The following ZMPSTE24 variants were observed in gnomAD, a reference collection of about 807,000 sequenced individuals.
The protein encoded by ZMPSTE24 is zinc metallopeptidase STE24, also known as CAAX prenyl protease 1 homolog.
In ZMPSTE24, 48 loss-of-function variants were observed where a neutral mutation model predicts 56.7. The observed-to-expected ratio is 0.85, with a 90% CI of 0.67 to 1.08. The LOEUF (loss-of-function observed/expected upper bound fraction) is 1.08, where lower values mean the gene tolerates loss of function less well. Among genes scored for constraint, ZMPSTE24 ranks in the 50% least tolerant of loss-of-function variants. ZMPSTE24 has a pLI of 0.00. For synonymous variants in ZMPSTE24, 172 were observed against 195.2 expected (o/e 0.88, Z 0.99); for missense variants, 503 against 548.7 (o/e 0.92, Z 0.83).
chr1:40,275,161 T>A (rs533131959), intron 6 of ZMPSTE24, among the ~76,000 whole-genome samples: 170 of 151,404 alleles, frequency 1.1e-3, no homozygotes, highest in Non-Finnish European at 1.9e-3. Context: ...GGCTTATGCT[T>A]GTAATCTCAG....
chr1:40,288,250 A>G (rs1643806410), intron 8 of ZMPSTE24, among the ~76,000 whole-genome samples: 1 of 152,236 alleles, frequency 6.6e-6, no homozygotes. Context: ...TCCTGTGGGC[A>G]CTTTCCTATA....
Position 40,267,786 on chromosome 1 carries a change from CTTA to C in ZMPSTE24, c.274_276del (p.Ile92del), listed in dbSNP as rs1643570623. The C allele has an allele frequency of 6.2e-7, 1 of 1,608,978 alleles. No homozygotes were observed. Among genetic ancestry groups the C allele is most frequent in the Non-Finnish European group, 8.5e-7 (1 of 1,175,414 alleles). ...GATCAAAGTATGCTTTGTTTTATAGCTTATTCTTCTCTTTGGAGGAATACCTTA... is the reference window on the plus strand; with the variant it reads ...GATCAAAGTATGCTTTGTTTTATAGCTTCTTCTCTTTGGAGGAATACCTTA... On this transcript the variant is annotated inframe_deletion and splice_region_variant, in exon 3 of 10. Coordinates refer to ENST00000372759, the MANE Select transcript of ZMPSTE24 (RefSeq NM_005857.5).
intron 1 of ZMPSTE24, 75 bp downstream of exon 1, chr1:40,258,469 C>G: frequency 6.2e-7 from 1 of 1,607,544 alleles, no homozygotes; most frequent in Non-Finnish European, 8.5e-7. Flanking sequence ...GACCCTGAGA[C>G]TCTTGATTGC....
intron 6 of ZMPSTE24, among the ~76,000 whole-genome samples, chr1:40,279,486 A>AGGCTTATTCTGCTT (rs1419002963): frequency 8.5e-5 from 13 of 152,226 alleles, no homozygotes; most frequent in Admixed American, 2.6e-4. Flanking sequence ...TCTGTAGGGT[A>AGGCTTATTCTGCTT]AAACTCTGTG....
chr1:40,291,330 G>T (rs1288159889), intron 9 of ZMPSTE24, among the ~76,000 whole-genome samples: 1 of 152,210 alleles, frequency 6.6e-6, no homozygotes, highest in African/African-American at 2.4e-5. Flanking sequence ...AATCTTATGT[G>T]TATGAGGGGA....
intron 1 of ZMPSTE24, among the ~76,000 whole-genome samples, chr1:40,260,523 G>A (rs908436589): frequency 6.6e-6 from 1 of 152,106 alleles, no homozygotes; most frequent in African/African-American, 2.4e-5. Flanking sequence ...TATTATAGGA[G>A]GTATGTAATA....
chr1:40,292,334 C>A, intron 9 of ZMPSTE24, 111 bp from the exon 10 acceptor site: 1 of 977,192 alleles, frequency 1.0e-6, no homozygotes, highest in Non-Finnish European at 1.6e-6. Context: ...TTCTTTTGTC[C>A]TGCCATTCCT....
At chr1:40,262,366 C>T (rs1248912243) in intron 2 of ZMPSTE24, among the ~76,000 whole-genome samples, 1 of 152,136 alleles carries the variant, frequency 6.6e-6, no homozygotes, top group Non-Finnish European at 1.5e-5. Flanking sequence ...GTCTCATTGG[C>T]TTTGGGGATA....
intron 2 of ZMPSTE24, chr1:40,262,720 C>A: frequency 1.6e-6 from 1 of 642,736 alleles, no homozygotes; most frequent in Non-Finnish European, 2.1e-6. Flanking sequence ...TAATATTTTG[C>A]ATGTTTTCCC....
At chr1:40,291,130 T>C in intron 9 of ZMPSTE24, 133 bp downstream of exon 9, 2 of 1,189,536 alleles carry the variant, frequency 1.7e-6, no homozygotes, top group Admixed American at 5.1e-5. Context: ...TTTAGTCCCC[T>C]GATTCACTGG....
chr1:40,264,877 C>CAAAAAA (rs35889679), intron 2 of ZMPSTE24, among the ~76,000 whole-genome samples: 3 of 53,240 alleles, frequency 5.6e-5, no homozygotes, highest in East Asian at 4.5e-4. Flanking sequence ...GATCCTGTCT[C>CAAAAAA]AAAAAAAAAA....
At chr1:40,273,512 T>A (rs1270492956) in intron 6 of ZMPSTE24, among the ~76,000 whole-genome samples, 2 of 22,626 alleles carry the variant, frequency 8.8e-5, no homozygotes, top group Non-Finnish European at 1.4e-4. Flanking sequence ...AGCCAAATTC[T>A]GTCTAAAAAA....
At chr1:40,258,850 C>A (rs1167193407) in intron 1 of ZMPSTE24, among the ~76,000 whole-genome samples, 5 of 151,638 alleles carry the variant, frequency 3.3e-5, no homozygotes, top group Admixed American at 6.6e-5. Flanking sequence ...CTTGAAAAAA[C>A]AAACAAACAA....
chr1:40,268,610 T>TA, intron 4 of ZMPSTE24, 75 bp downstream of exon 4: 6 of 941,418 alleles, frequency 6.4e-6, no homozygotes, highest in Non-Finnish European at 9.8e-6. Context: ...TGTTTATAAT[T>TA]TAAACATAAT....
intron 6 of ZMPSTE24, among the ~76,000 whole-genome samples, chr1:40,278,108 C>T (rs1237442107): frequency 6.6e-6 from 1 of 151,616 alleles, no homozygotes; most frequent in African/African-American, 2.4e-5. Flanking sequence ...TGTAATAATG[C>T]AATAAATAAA....
At chr1:40,267,323 TTTTATTTTG>T (rs1419912324) in intron 2 of ZMPSTE24, among the ~76,000 whole-genome samples, 1 of 148,282 alleles carries the variant, frequency 6.7e-6, no homozygotes, top group Non-Finnish European at 1.5e-5. Flanking sequence ...TAAAAAAATA[TTTTATTTTG>T]TTATTTTATT....
intron 8 of ZMPSTE24, among the ~76,000 whole-genome samples, chr1:40,289,455 G>A (rs1230965985): frequency 6.6e-6 from 1 of 152,206 alleles, no homozygotes; most frequent in East Asian, 1.9e-4. Flanking sequence ...ATAAGTGTAG[G>A]AGACTTCACT....
At chr1:40,286,167 TTAC>T in intron 8 of ZMPSTE24, 138 bp downstream of exon 8, 1 of 749,080 alleles carries the variant, frequency 1.3e-6, no homozygotes, top group Non-Finnish European at 2.3e-6. Flanking sequence ...GCTCCCTGAC[TTAC>T]TACCTGTGTG....
chr1:40,265,886 G>A (rs527907624), intron 2 of ZMPSTE24, among the ~76,000 whole-genome samples: 38 of 152,224 alleles, frequency 2.5e-4, no homozygotes, highest in African/African-American at 9.1e-4. Flanking sequence ...TGAGACCCAT[G>A]ATATTAAACC....
Sources: allele counts gnomAD v4.1 joint callset (sites outside exome capture counted in the v4.1 genomes callset), GRCh38; gene constraint gnomAD v4.1.1; transcripts MANE v1.5; gene names NCBI Gene and HGNC (gene_info 2026-07-23, HGNC 2026-07-21).